The following ATF6 variants were observed in gnomAD, a reference collection of about 807,000 sequenced individuals.
ATF6 encodes the protein cyclic AMP-dependent transcription factor ATF-6 alpha.
A neutral mutation model predicts 83.6 loss-of-function variants in ATF6; 53 were observed. The observed-to-expected ratio is 0.63, with a 90% CI of 0.51 to 0.80. The LOEUF (loss-of-function observed/expected upper bound fraction) is 0.80. ATF6 is among the 30% of genes least tolerant of loss of function. ATF6 has a pLI of 0.00. For synonymous variants in ATF6, 288 were observed against 285.8 expected (o/e 1.01, Z -0.08); for missense variants, 744 against 797.9 (o/e 0.93, Z 0.81).
At chr1:161,928,761 A>G (rs1201894278) in intron 15 of ATF6, among the ~76,000 whole-genome samples, 3 of 152,190 alleles carry the variant, frequency 2.0e-5, no homozygotes, top group South Asian at 2.1e-4. Context: ...CTTCTCACTA[A>G]TGAATTTACT....
intron 11 of ATF6, 30 bp from the exon 12 acceptor site, chr1:161,853,194 A>T (rs1450208281): frequency 4.4e-6 from 6 of 1,365,668 alleles, no homozygotes; most frequent in Non-Finnish European, 5.1e-6. Context: ...ATTAATTTCT[A>T]TGTTTAATTA....
chr1:161,802,019 A>G, intron 6 of ATF6, 33 bp from the exon 7 acceptor site: 1 of 1,606,164 alleles, frequency 6.2e-7, no homozygotes, highest in Admixed American at 1.7e-5. Flanking sequence ...GTAGTTGTGT[A>G]CCCTTTGATT....
chr1:161,909,914 C>T (rs1159837787), intron 14 of ATF6, among the ~76,000 whole-genome samples: 1 of 152,124 alleles, frequency 6.6e-6, no homozygotes, highest in Admixed American at 6.5e-5. Context: ...GGAGATCGTG[C>T]CACTGCACTC....
At chr1:161,790,146 T>C (rs561057742) in intron 4 of ATF6, among the ~76,000 whole-genome samples, 1 of 152,322 alleles carries the variant, frequency 6.6e-6, no homozygotes, top group East Asian at 1.9e-4. Context: ...ACTTTGTTTA[T>C]GGTCTAGTTT....
At chr1:161,822,542 T>TA (rs35591432) in intron 9 of ATF6, among the ~76,000 whole-genome samples, 22 of 151,540 alleles carry the variant, frequency 1.5e-4, no homozygotes, top group South Asian at 6.3e-4. Flanking sequence ...ATCTCTTTTT[T>TA]AAAAAAAAAC....
At chr1:161,892,617 T>C (rs1030022778) in intron 14 of ATF6, among the ~76,000 whole-genome samples, 1 of 150,880 alleles carries the variant, frequency 6.6e-6, no homozygotes, top group African/African-American at 2.4e-5. Context: ...TCTCAGGTTA[T>C]ACAGGTCATT....
chr1:161,900,876 CTT>C (rs768982612), intron 14 of ATF6, among the ~76,000 whole-genome samples: 30 of 151,942 alleles, frequency 2.0e-4, no homozygotes, highest in Non-Finnish European at 3.5e-4. Context: ...AAAATGAAAA[CTT>C]TGATTAAAAA....
chr1:161,933,590 C>T (rs774863242), intron 15 of ATF6, among the ~76,000 whole-genome samples: 2 of 152,186 alleles, frequency 1.3e-5, no homozygotes, highest in Non-Finnish European at 2.9e-5. Context: ...TTAAATCATA[C>T]TTTAGAAGTC....
At chr1:161,865,604 C>G (rs946782995) in intron 14 of ATF6, among the ~76,000 whole-genome samples, 1 of 152,082 alleles carries the variant, frequency 6.6e-6, no homozygotes, top group Non-Finnish European at 1.5e-5. Context: ...TATTGATTTC[C>G]ACTCCTCCCT....
At chr1:161,942,241 C>T (rs1396828252) in intron 15 of ATF6, among the ~76,000 whole-genome samples, 1 of 152,130 alleles carries the variant, frequency 6.6e-6, no homozygotes, top group Non-Finnish European at 1.5e-5. Flanking sequence ...CATTGTTAAC[C>T]CCCATCCATT....
At chr1:161,840,268 A>G (rs1019151045) in intron 9 of ATF6, 2 of 152,244 alleles carry the variant, frequency 1.3e-5, no homozygotes, top group African/African-American at 2.4e-5. Context: ...TCAGAGTAAC[A>G]TCTTGAACCC....
chr1:161,956,627 G>T (rs1293504988), intron 15 of ATF6, among the ~76,000 whole-genome samples: 1 of 152,146 alleles, frequency 6.6e-6, no homozygotes, highest in Non-Finnish European at 1.5e-5. Context: ...TTAATACACA[G>T]CAGCAACCAG....
intron 6 of ATF6, among the ~76,000 whole-genome samples, chr1:161,796,068 C>T (rs1001703283): frequency 6.7e-6 from 1 of 149,650 alleles, no homozygotes; most frequent in African/African-American, 2.5e-5. Context: ...TTGGCCTTGC[C>T]TTGGTATTCT....
chr1:161,773,883 ACC>A (rs1393291549), intron 1 of ATF6, among the ~76,000 whole-genome samples: 1 of 152,206 alleles, frequency 6.6e-6, no homozygotes, highest in Non-Finnish European at 1.5e-5. Flanking sequence ...ATATTTATCA[ACC>A]CACCTTCAGT....
At chr1:161,900,837 G>T (rs1220289161) in intron 14 of ATF6, among the ~76,000 whole-genome samples, 1 of 152,056 alleles carries the variant, frequency 6.6e-6, no homozygotes, top group Non-Finnish European at 1.5e-5. Flanking sequence ...ATTTGAAATA[G>T]ATAATTAAGC....
At chr1:161,868,273 T>C (rs987769579) in intron 14 of ATF6, among the ~76,000 whole-genome samples, 1 of 152,210 alleles carries the variant, frequency 6.6e-6, no homozygotes, top group African/African-American at 2.4e-5. Context: ...TGGCTTATGA[T>C]CCACAGTTAT....
chr1:161,898,786 G>T (rs1318163271), intron 14 of ATF6, among the ~76,000 whole-genome samples: 1 of 152,134 alleles, frequency 6.6e-6, no homozygotes, highest in Non-Finnish European at 1.5e-5. Flanking sequence ...GACCTCAGGT[G>T]ATCCTCCCAC....
At chr1:161,812,485 C>T (rs112626262) in intron 7 of ATF6, among the ~76,000 whole-genome samples, 1,449 of 142,050 alleles carry the variant, frequency 0.01, 8 homozygotes, top group South Asian at 0.018. Flanking sequence ...CTCCGCCTCC[C>T]GGGTTCACGC....
intron 14 of ATF6, among the ~76,000 whole-genome samples, chr1:161,878,377 A>G (rs1191325274): frequency 6.6e-6 from 1 of 152,074 alleles, no homozygotes; most frequent in Non-Finnish European, 1.5e-5. Flanking sequence ...AGCCTCCCAA[A>G]GTGTTGTGAT....
Sources: allele counts gnomAD v4.1 joint callset (sites outside exome capture counted in the v4.1 genomes callset), GRCh38; gene constraint gnomAD v4.1.1; transcripts MANE v1.5; gene names NCBI Gene and HGNC (gene_info 2026-07-23, HGNC 2026-07-21).